The following ZNF827 variants were observed in gnomAD, a reference collection of about 807,000 sequenced individuals.
ZNF827 encodes zinc finger protein 827.
A neutral mutation model predicts 102.4 loss-of-function variants in ZNF827; 13 were observed. The observed-to-expected ratio is 0.13, with a 90% CI of 0.08 to 0.20. The LOEUF is 0.20. Ranked by LOEUF, ZNF827 falls within the 10% of genes least tolerant of loss-of-function variation. The pLI, the probability that ZNF827 is intolerant of heterozygous loss-of-function variation, is 1.00. For missense variants in ZNF827, 1,103 were observed against 1,344.4 expected, an observed-to-expected ratio of 0.82 and a Z score of 2.81; for synonymous variants, 523 against 536.2, an observed-to-expected ratio of 0.98 and a Z score of 0.34.
At position 145,906,897 on chromosome 4, in the gene ZNF827, T is replaced by A. The variant is rs111421794; in HGVS notation, c.44-3682A>T. On this transcript the variant is annotated intron_variant, in intron 1 of 14. Transcript: ENST00000508784. ...AGAAAACTTGGATGCATGAAGAGTA[T>A]CTCTTAAATTCATAATACTCTGTTA... is the stretch of plus-strand genomic sequence containing the variant. 1.5e-3 allele frequency among the ~76,000 whole-genome samples: 230 copies of A among 152,352 alleles called. 3 individuals are homozygous for A. Among genetic ancestry groups the A allele is most frequent in the African/African-American group, 5.2e-3 (218 of 41,572 alleles).
rs1389302799 is a variant in ZNF827, at chr4:145,779,944, A to C, written c.2384-433T>G. Among the ~76,000 whole-genome samples, 4 of 152,246 alleles carry C rather than the reference A, an allele frequency of 2.6e-5. No homozygotes were observed. In the South Asian group the frequency reaches 8.3e-4, roughly 31 times the overall value. ...GGTCACTTACACCTGTAATCCCAGCACTTTGGGAGGCTGAGGCGAGTAGAT... is the reference window on the plus strand; with the variant it reads ...GGTCACTTACACCTGTAATCCCAGCCCTTTGGGAGGCTGAGGCGAGTAGAT... On this transcript the variant is annotated intron_variant, in intron 8 of 14. Coordinates refer to ENST00000508784, the MANE Select transcript of ZNF827 (RefSeq NM_001306215.2).
At chr4:145,905,863 G>A (rs1173816994) in intron 1 of ZNF827, among the ~76,000 whole-genome samples, 2 of 152,116 alleles carry the variant, frequency 1.3e-5, no homozygotes, top group Admixed American at 6.5e-5. Flanking sequence ...ATTAAATGAA[G>A]TACACTCATT....
intron 1 of ZNF827, among the ~76,000 whole-genome samples, chr4:145,926,411 G>GT (rs1374212425): frequency 6.6e-6 from 1 of 152,164 alleles, no homozygotes; most frequent in Admixed American, 6.5e-5. Context: ...CTTGTGAGCA[G>GT]TTTATCAATT....
At chr4:145,866,811 A>G (rs1748249532) in intron 5 of ZNF827, among the ~76,000 whole-genome samples, 2 of 152,220 alleles carry the variant, frequency 1.3e-5, no homozygotes, top group Admixed American at 1.3e-4. Context: ...GAGGGCATTT[A>G]TCTTCATCAC....
At chr4:145,817,550 G>A (rs1175620465) in intron 8 of ZNF827, among the ~76,000 whole-genome samples, 4 of 152,160 alleles carry the variant, frequency 2.6e-5, no homozygotes, top group Non-Finnish European at 5.9e-5. Flanking sequence ...AGTGAATGAA[G>A]GAGGAACTGC....
intron 8 of ZNF827, among the ~76,000 whole-genome samples, chr4:145,796,169 C>T (rs543911722): frequency 2.0e-5 from 3 of 152,176 alleles, no homozygotes; most frequent in South Asian, 2.1e-4. Flanking sequence ...TTTGGAACTA[C>T]GGAGGGAAGA....
intron 8 of ZNF827, among the ~76,000 whole-genome samples, chr4:145,782,797 G>A (rs564599355): frequency 1.3e-5 from 2 of 152,304 alleles, no homozygotes; most frequent in South Asian, 4.1e-4. Flanking sequence ...AAAGTAGACT[G>A]CTTGACTTTT....
chr4:145,849,161 TAACTGTTAG>T (rs1746275645), intron 6 of ZNF827, among the ~76,000 whole-genome samples, 152 bp downstream of exon 6: 1 of 152,206 alleles, frequency 6.6e-6, no homozygotes, highest in African/African-American at 2.4e-5. Context: ...AACACTTTAT[TAACTGTTAG>T]TTTGGGTGGC....
chr4:145,918,173 C>T (rs555654615), intron 1 of ZNF827, among the ~76,000 whole-genome samples: 2 of 152,074 alleles, frequency 1.3e-5, no homozygotes, highest in Admixed American at 6.5e-5. Flanking sequence ...TTTGAAGTTA[C>T]TTACAGAAAA....
intron 1 of ZNF827, among the ~76,000 whole-genome samples, chr4:145,906,577 G>A (rs1442449552): frequency 6.6e-6 from 1 of 152,212 alleles, no homozygotes; most frequent in African/African-American, 2.4e-5. Context: ...ACAGGTGAGT[G>A]TGCAAACAGG....
chr4:145,792,088 A>G (rs1485417249), intron 8 of ZNF827, among the ~76,000 whole-genome samples: 1 of 152,226 alleles, frequency 6.6e-6, no homozygotes, highest in Non-Finnish European at 1.5e-5. Flanking sequence ...CAAGATTTCT[A>G]TGAGATGGTG....
At chr4:145,835,067 TTCC>T (rs1425192789) in intron 7 of ZNF827, 1 of 152,216 alleles carries the variant, frequency 6.6e-6, no homozygotes, top group Non-Finnish European at 1.5e-5. Flanking sequence ...CAGCCTGGGA[TTCC>T]TCCTAAGCTA....
chr4:145,834,067 A>T (rs1744558365), intron 7 of ZNF827, among the ~76,000 whole-genome samples: 1 of 151,976 alleles, frequency 6.6e-6, no homozygotes, highest in African/African-American at 2.4e-5. Flanking sequence ...AAACCTCTTC[A>T]ACTTACACCT....
intron 7 of ZNF827, among the ~76,000 whole-genome samples, chr4:145,829,610 T>C (rs1560971090): frequency 6.6e-6 from 1 of 152,240 alleles, no homozygotes; most frequent in Non-Finnish European, 1.5e-5. Flanking sequence ...CTTAGATATA[T>C]GTCTGAGAAA....
chr4:145,883,897 T>G (rs1749888985), intron 4 of ZNF827, among the ~76,000 whole-genome samples: 1 of 151,956 alleles, frequency 6.6e-6, no homozygotes, highest in Non-Finnish European at 1.5e-5. Flanking sequence ...AAAACTAGAG[T>G]TCCCCTGGAG....
chr4:145,855,361 T>C lies in ZNF827; in HGVS notation c.1982-5800A>G, dbSNP rs115262288. Among the ~76,000 whole-genome samples the C allele has an allele frequency of 7.6e-3, 1,150 of 152,308 alleles. 9 individuals are homozygous for C. The highest frequency in any genetic ancestry group is 0.026 in the African/African-American group (1,086 of 41,574). On this transcript the variant is annotated intron_variant, in intron 5 of 14. Coordinates refer to ENST00000508784, the MANE Select transcript of ZNF827 (RefSeq NM_001306215.2). ...GTCTCCAACTTATGAACCTCAAAGA[T>C]ACAAAGGTCTTGGATGGGCAAACAC... is the stretch of plus-strand genomic sequence containing the variant.
At chr4:145,871,504 T>C (rs1748677107) in intron 4 of ZNF827, among the ~76,000 whole-genome samples, 1 of 152,150 alleles carries the variant, frequency 6.6e-6, no homozygotes, top group Non-Finnish European at 1.5e-5. Context: ...CCTACTACTC[T>C]TCACTTTCAC....
chr4:145,848,987 C>T (rs1746255275), intron 6 of ZNF827, among the ~76,000 whole-genome samples: 2 of 151,952 alleles, frequency 1.3e-5, no homozygotes, highest in Admixed American at 6.5e-5. Flanking sequence ...ATCTTTTGCA[C>T]ATTAAAAAAA....
chr4:145,805,125 TTGTGTGTGTGTGTGTGTGTG>T (rs35536912), intron 8 of ZNF827, among the ~76,000 whole-genome samples: 2 of 148,270 alleles, frequency 1.3e-5, no homozygotes, highest in African/African-American at 2.5e-5. Context: ...GCAATTCCTT[TTGTGTGTGTGTGTGTGTGTG>T]TGTGTGTGTG....
Sources: allele counts gnomAD v4.1 joint callset (sites outside exome capture counted in the v4.1 genomes callset), GRCh38; gene constraint gnomAD v4.1.1; transcripts MANE v1.5; gene names NCBI Gene and HGNC (gene_info 2026-07-23, HGNC 2026-07-21).